Variants in KIF14 observed in about 807,000 individuals in gnomAD.
KIF14 encodes kinesin family member 14.
A neutral mutation model predicts 176.2 loss-of-function variants in KIF14; 98 were observed. That is an observed-to-expected ratio of 0.56 (90% CI 0.47 to 0.66). KIF14 has a LOEUF of 0.66. Among genes scored for constraint, KIF14 ranks in the 30% least tolerant of loss-of-function variants. The probability of loss-of-function intolerance (pLI) is 0.00; values close to 1 mark genes in which losing one functional copy is unlikely to be tolerated. For synonymous variants in KIF14, 566 were observed against 632.2 expected (o/e 0.90, Z 1.57); for missense variants, 1,751 against 1,920.4 (o/e 0.91, Z 1.65).
chr1:200,576,923 A>G (rs10919978), intron 21 of KIF14, among the ~76,000 whole-genome samples: 120,582 of 151,872 alleles, frequency 0.79, 48,212 homozygotes, highest in African/African-American at 0.89. Context: ...TTGACCTTCC[A>G]GACTCAGGTA....
intron 18 of KIF14, among the ~76,000 whole-genome samples, chr1:200,588,626 A>C (rs1424776338): frequency 6.6e-6 from 1 of 152,218 alleles, no homozygotes; most frequent in Non-Finnish European, 1.5e-5. Flanking sequence ...AATAGAAAGA[A>C]TGGCCCAAAA....
Position 200,565,470 on chromosome 1 carries a change from T to G in KIF14, c.3861A>C (p.Glu1287Asp). The G allele has an allele frequency of 6.3e-7, 1 of 1,596,544 alleles. No homozygotes were observed. The highest frequency in any genetic ancestry group is 8.5e-7 in the Non-Finnish European group (1 of 1,175,302). Residue 1287 changes from glutamate (E) to aspartate (D), a missense_variant, in exon 24 of 30, where the codon GAA becomes GAC. Transcript: ENST00000367350. ...GLFAISKAHE[E>D]QDEESQDNLF... ...AGTTATCTTGACTTTCTTCATCTTG[T>G]TCTTCATGAGCCTTGGAAATGGCAA...
chr1:200,597,782 A>C (rs929187751), intron 14 of KIF14, among the ~76,000 whole-genome samples: 1 of 152,216 alleles, frequency 6.6e-6, no homozygotes. Flanking sequence ...ACAGGAACCA[A>C]TGTACACAAA....
At chr1:200,554,120 G>A (rs1014402738) in intron 29 of KIF14, among the ~76,000 whole-genome samples, 12 of 152,350 alleles carry the variant, frequency 7.9e-5, no homozygotes, top group Admixed American at 7.2e-4. Flanking sequence ...GCCGGGGACT[G>A]TGGCTCATGC....
intron 25 of KIF14, among the ~76,000 whole-genome samples, chr1:200,562,048 C>G (rs1467959890): frequency 6.6e-6 from 1 of 152,180 alleles, no homozygotes; most frequent in African/African-American, 2.4e-5. Flanking sequence ...TGTTACCTGC[C>G]CCCTGTAGTG....
intron 4 of KIF14, among the ~76,000 whole-genome samples, chr1:200,609,301 T>C (rs1571561237): frequency 6.6e-6 from 1 of 152,120 alleles, no homozygotes; most frequent in South Asian, 2.1e-4. Context: ...CTAGTGGATG[T>C]AAAATGGTGC....
Position 200,615,449 on chromosome 1 carries a change from C to T in KIF14, c.1273G>A (p.Glu425Lys), listed in dbSNP as rs751402540. The change falls in exon 3 of 30, where the codon GAG (glutamate) becomes AAG (lysine). Residue 425 changes from glutamate (E) to lysine (K), a missense_variant. By Grantham distance (56) the Glu-to-Lys change is moderately conservative. Coordinates refer to ENST00000367350, the MANE Select transcript of KIF14 (RefSeq NM_014875.3). ...PHYASQTTVY[E>K]KLAAPLLERA... Reference sequence around the variant, plus strand: ...TCTAGGAGTGGTGCTGCTAGCTTCTCATAGACAGTTGTCTGGCTAGCGTAG... The same window carrying T: ...TCTAGGAGTGGTGCTGCTAGCTTCTTATAGACAGTTGTCTGGCTAGCGTAG... 1.3e-5 allele frequency: 21 copies of T among 1,613,986 alleles called. No individual in the cohort carries two copies. In the African/African-American group the frequency reaches 2.5e-4, roughly 19 times the overall value.
chr1:200,587,894 T>A (rs564604268), intron 18 of KIF14, among the ~76,000 whole-genome samples: 2 of 152,316 alleles, frequency 1.3e-5, no homozygotes, highest in Middle Eastern at 3.4e-3. Context: ...TAAAACTCTC[T>A]GAGGTGGTTC....
chr1:200,601,673 ACT>A (rs1014315846), intron 11 of KIF14, among the ~76,000 whole-genome samples: 10 of 151,708 alleles, frequency 6.6e-5, no homozygotes, highest in East Asian at 5.8e-4. Flanking sequence ...CCTTACTCAC[ACT>A]CTGTTTTCTA....
At chr1:200,568,986 T>G (rs1241518025) in intron 23 of KIF14, among the ~76,000 whole-genome samples, 2 of 148,080 alleles carry the variant, frequency 1.4e-5, no homozygotes, top group Admixed American at 1.4e-4. Context: ...AGTGCAATGG[T>G]GCTATCTCAG....
chr1:200,618,208 G>C lies in KIF14; in HGVS notation c.516C>G (p.Asn172Lys), dbSNP rs778324447. 12 of 1,613,848 alleles carry C rather than the reference G, an allele frequency of 7.4e-6. No homozygotes were observed. Among genetic ancestry groups the C allele is most frequent in the Non-Finnish European group, 9.3e-6 (11 of 1,180,006 alleles). Residue 172 changes from asparagine (N) to lysine (K), a missense_variant, in exon 2 of 30, where the codon AAC (asparagine) becomes AAG (lysine). Coordinates refer to ENST00000367350, the MANE Select transcript of KIF14 (RefSeq NM_014875.3). The stretch of plus-strand genomic sequence containing the variant: ...AAGGTACAGAAGAGGCAACAAAAGA[G>C]TTTTTAGCATTATTTACAATCCTTA... Reference protein sequence around the residue: ...TNVRIVNNAKNSFVASSVPLD... With the variant: ...TNVRIVNNAKKSFVASSVPLD...
intron 29 of KIF14, 84 bp from the exon 30 acceptor site, chr1:200,553,851 T>G: frequency 7.5e-7 from 1 of 1,335,942 alleles, no homozygotes; most frequent in South Asian, 1.5e-5. Flanking sequence ...TCTAGATATC[T>G]TTTAAGTCAA....
At chr1:200,599,176 A>C (rs1659509292) in intron 13 of KIF14, among the ~76,000 whole-genome samples, 1 of 152,140 alleles carries the variant, frequency 6.6e-6, no homozygotes, top group South Asian at 2.1e-4. Context: ...TCAAAATGTA[A>C]ATTCCCTGGT....
chr1:200,608,367 C>CTTT (rs200778779), intron 5 of KIF14, among the ~76,000 whole-genome samples: 2 of 141,092 alleles, frequency 1.4e-5, no homozygotes. Context: ...CGCTTCTTTT[C>CTTT]TTTTTTTTTT....
chr1:200,618,284 A>G lies in KIF14; in HGVS notation c.440T>C (p.Val147Ala). 6.2e-7 allele frequency: 1 copy of G among 1,613,766 alleles called. No individual in the cohort carries two copies. Among genetic ancestry groups the G allele is most frequent in the East Asian group, 2.2e-5 (1 of 44,878 alleles). Residue 147 changes from valine (V) to alanine (A), a missense_variant, in exon 2 of 30, where the codon GTG becomes GCG. Physicochemically the swap from Val to Ala is moderately conservative, Grantham distance 64. Transcript: ENST00000367350. ...ACCATTATTTTCTGTTTCACCTCCCACATTCAGTGTCATTTTGACAGAATC... is the reference window on the plus strand; with the variant it reads ...ACCATTATTTTCTGTTTCACCTCCCGCATTCAGTGTCATTTTGACAGAATC... Reference protein sequence around the residue: ...EIDSVKMTLNVGGETENNGVS... With the variant: ...EIDSVKMTLNAGGETENNGVS...
In KIF14 at chr1:200,589,666, TTTTTC is replaced by T. The variant is rs1394322301; in HGVS notation, c.2962-302_2962-298del. Among the ~76,000 whole-genome samples, 8 of 143,608 alleles carry T rather than the reference TTTTTC, an allele frequency of 5.6e-5. No individual in the cohort carries two copies. In the East Asian group the frequency reaches 1.6e-3, roughly 29 times the overall value. 94.2% of individuals were successfully genotyped at this position (143,608 alleles called of 152,430 possible). A position where few individuals can be genotyped will look rare whatever the true frequency, so the allele number is the denominator to read the frequency against. ...CCATTGTCTATTATCGCCACCAACT[TTTTTC>T]TTTTTTTTTTTTTTTTTTTTTTTTT... On this transcript the variant is annotated intron_variant, in intron 17 of 29. Transcript: ENST00000367350.
intron 22 of KIF14, among the ~76,000 whole-genome samples, chr1:200,573,274 A>G (rs1265255039): frequency 6.6e-6 from 1 of 152,088 alleles, no homozygotes; most frequent in Non-Finnish European, 1.5e-5. Flanking sequence ...TATAGATGAG[A>G]AAATTGAAGC....
rs1657101931 is a variant in KIF14 at position 200,560,846 on chromosome 1, T to C, written c.4106A>G (p.Glu1369Gly). The change falls in exon 26 of 30, where the codon GAG becomes GGG. Residue 1369 changes from glutamate to glycine, a missense_variant. Glu to Gly is a moderately conservative substitution (Grantham distance 98). Coordinates refer to ENST00000367350, the MANE Select transcript of KIF14 (RefSeq NM_014875.3). ...AATTTGGATTGCATTCTTTTGAGCCTCTTTTATCATTGATGAAATATCCAA... is the reference window on the plus strand; with the variant it reads ...AATTTGGATTGCATTCTTTTGAGCCCCTTTTATCATTGATGAAATATCCAA... The part of the protein sequence containing the change: ...CCLDISSMIK[E>G]AQKNAIQIVQ... The C allele has an allele frequency of 5.6e-6, 9 of 1,614,012 alleles. No homozygotes were observed. The highest frequency in any genetic ancestry group is 7.6e-6 in the Non-Finnish European group (9 of 1,179,834).
At chr1:200,567,602 A>G (rs953302749) in intron 23 of KIF14, among the ~76,000 whole-genome samples, 2 of 151,858 alleles carry the variant, frequency 1.3e-5, no homozygotes, top group African/African-American at 4.8e-5. Flanking sequence ...TGAGGGATGG[A>G]TTTTCTAAGC....
Sources: gnomAD v4.1 joint callset for allele counts (sites outside exome capture counted in the v4.1 genomes callset) on GRCh38, gnomAD v4.1.1 for gene constraint, MANE v1.5 for transcripts, NCBI Gene and HGNC (gene_info 2026-07-23, HGNC 2026-07-21) for gene names.